MPRIP: variants seen among roughly 807,000 people sequenced by gnomAD.
MPRIP encodes myosin phosphatase Rho-interacting protein.
A neutral mutation model predicts 234.9 loss-of-function variants in MPRIP; 59 were observed. The observed-to-expected ratio is 0.25, with a 90% CI of 0.20 to 0.31. The LOEUF is 0.31. Among genes scored for constraint, MPRIP ranks in the 10% least tolerant of loss-of-function variants. The probability of loss-of-function intolerance (pLI) is 1.00; values close to 1 mark genes in which losing one functional copy is unlikely to be tolerated. For synonymous variants in MPRIP, 1,144 were observed against 1,263.9 expected (o/e 0.91, Z 2.01); for missense variants, 2,436 against 3,071.0 (o/e 0.79, Z 4.89).
chr17:17,104,526 G>A (rs1411073455), intron 3 of MPRIP, among the ~76,000 whole-genome samples: 2 of 152,120 alleles, frequency 1.3e-5, no homozygotes, highest in Middle Eastern at 3.2e-3. Context: ...ACCAGTCCAC[G>A]GCTGTGTTCA....
chr17:17,060,380 T>G (rs1175577148), intron 1 of MPRIP, among the ~76,000 whole-genome samples: 1 of 152,226 alleles, frequency 6.6e-6, no homozygotes, highest in Non-Finnish European at 1.5e-5. Flanking sequence ...GCCCTTCACC[T>G]GTGTCACCCT....
rs201729698 is a variant in MPRIP, at chr17:17,168,953, C to T, written c.6324+1038C>T. On this transcript the variant is annotated intron_variant, in intron 16 of 23. Transcript: ENST00000651222. ...AGCAGGACACCTGTTTTTCCCAGCC[C>T]GTTACTCCTGTAGCTCTGAATGGAA... The T allele has an allele frequency of 3.9e-3, 1,760 of 456,940 alleles. 28 individuals carry two copies. Among genetic ancestry groups the T allele is most frequent in the South Asian group, 0.016 (1,058 of 64,566 alleles). The allele number at this position is 456,940 out of a possible 1,614,324, so 28.3% of individuals were successfully genotyped here.
chr17:17,183,701 C>T (rs2046418961), intron 23 of MPRIP, among the ~76,000 whole-genome samples: 1 of 152,238 alleles, frequency 6.6e-6, no homozygotes, highest in African/African-American at 2.4e-5. Flanking sequence ...GAGCCTCAAG[C>T]TGACCAGCCC....
intron 13 of MPRIP, among the ~76,000 whole-genome samples, chr17:17,158,005 G>A (rs897625968): frequency 6.6e-6 from 1 of 152,156 alleles, no homozygotes; most frequent in Non-Finnish European, 1.5e-5. Flanking sequence ...GCCTAATGTA[G>A]TTCTTGGCCC....
chr17:17,114,682 T>C (rs1372697635), intron 3 of MPRIP, among the ~76,000 whole-genome samples: 1 of 146,584 alleles, frequency 6.8e-6, no homozygotes, highest in Non-Finnish European at 1.5e-5. Context: ...TTCCCATGCC[T>C]CTCCTACCTT....
intron 4 of MPRIP, 126 bp from the exon 5 acceptor site, chr17:17,131,491 C>T (rs1221872805): frequency 1.4e-6 from 1 of 735,504 alleles, no homozygotes; most frequent in African/African-American, 1.7e-5. Flanking sequence ...CTTCTGGCCC[C>T]AGCGTAGCAG....
chr17:17,176,774 A>C (rs1249359555), intron 21 of MPRIP, among the ~76,000 whole-genome samples: 2 of 152,238 alleles, frequency 1.3e-5, no homozygotes, highest in African/African-American at 2.4e-5. Context: ...GGAATGTTCC[A>C]GAGAAAAGGC....
At chr17:17,144,710 G>A (rs971961690) in intron 9 of MPRIP, among the ~76,000 whole-genome samples, 1 of 152,224 alleles carries the variant, frequency 6.6e-6, no homozygotes, top group Admixed American at 6.5e-5. Flanking sequence ...ACAAAAATTA[G>A]CTGGGTGTGG....
At chr17:17,080,595 G>C (rs1201767038) in intron 3 of MPRIP, among the ~76,000 whole-genome samples, 1 of 152,218 alleles carries the variant, frequency 6.6e-6, no homozygotes, top group Non-Finnish European at 1.5e-5. Flanking sequence ...CCTGGGGCAG[G>C]AATGCTGCTG....
chr17:17,166,979 A>G lies in MPRIP; in HGVS notation c.5388A>G (p.Ile1796Met). The part of the protein sequence containing the change: ...LKEKASLLEE[I>M]AAALPSLPPV... Reference sequence around the variant, plus strand: ...AGAAGGCCAGCCTCTTAGAGGAGATAGCGGCTGCCTTACCATCTCTGCCAC... The same window carrying G: ...AGAAGGCCAGCCTCTTAGAGGAGATGGCGGCTGCCTTACCATCTCTGCCAC... The change falls in exon 16 of 24, where the codon ATA (isoleucine) becomes ATG (methionine). Residue 1796 changes from isoleucine (I) to methionine (M), a missense_variant. Ile to Met is a conservative substitution (Grantham distance 10, BLOSUM62 1). Around this residue, in one of 4 missense-constraint regions of MPRIP, gnomAD observed 1,998 missense variants for 2,520.3 expected, o/e 0.79. Transcript: ENST00000651222. This position sits in a 1 kb window ranked among gnomAD's most constrained non-coding sequence, Gnocchi z 4.4. The G allele has an allele frequency of 7.7e-7, 1 of 1,304,216 alleles. No individual in the cohort carries two copies. The highest frequency in any genetic ancestry group is 1.2e-5 in the South Asian group (1 of 81,034). 80.8% of individuals were successfully genotyped at this position (1,304,216 alleles called of 1,614,324 possible).
At chr17:17,087,590 G>A (rs921660072) in intron 3 of MPRIP, among the ~76,000 whole-genome samples, 15 of 152,198 alleles carry the variant, frequency 9.9e-5, no homozygotes, top group Admixed American at 4.6e-4. Context: ...GGCCAGACGC[G>A]AGTCCTCCCT....
intron 1 of MPRIP, among the ~76,000 whole-genome samples, chr17:17,050,502 C>G (rs962427631): frequency 6.6e-6 from 1 of 152,134 alleles, no homozygotes; most frequent in Admixed American, 6.5e-5. Flanking sequence ...GGCCGCTGCC[C>G]GCAGTCCTGG....
rs1213159495 is a variant in MPRIP, at chr17:17,187,739, G to A, written c.*2845G>A. 2 of 152,280 alleles carry A rather than the reference G, an allele frequency of 1.3e-5. No individual in the cohort carries two copies. Among genetic ancestry groups the A allele is most frequent in the African/African-American group, 4.8e-5 (2 of 41,454 alleles). The allele number at this position is 152,280 out of a possible 1,614,324, so 9.4% of individuals were successfully genotyped here. On this transcript the variant is annotated 3_prime_UTR_variant, in exon 24 of 24. Coordinates refer to ENST00000651222, the MANE Select transcript of MPRIP (RefSeq NM_001364716.4). The stretch of plus-strand genomic sequence containing the variant: ...GAAGGGATTTAACCCCTGAATTCCA[G>A]AGGGAAGAAAGAAGAACAGTGAAGA...
intron 18 of MPRIP, among the ~76,000 whole-genome samples, chr17:17,173,159 C>T (rs545161666): frequency 1.3e-5 from 2 of 152,394 alleles, no homozygotes; most frequent in Non-Finnish European, 2.9e-5. Context: ...CGGGCTTGGT[C>T]GTACAGGGCA....
intron 22 of MPRIP, among the ~76,000 whole-genome samples, chr17:17,177,638 A>G (rs576242153): frequency 1.3e-5 from 2 of 152,226 alleles, no homozygotes; most frequent in African/African-American, 4.8e-5. Flanking sequence ...GGGAGAACCC[A>G]TAGTATCAGC....
intron 3 of MPRIP, among the ~76,000 whole-genome samples, chr17:17,113,923 C>T (rs1364019579): frequency 3.8e-5 from 5 of 131,626 alleles, no homozygotes; most frequent in Non-Finnish European, 7.7e-5. Flanking sequence ...GACAGGGTCT[C>T]ACTCTGTTGC....
chr17:17,095,829 G>A (rs2089825608), intron 3 of MPRIP, among the ~76,000 whole-genome samples: 1 of 152,182 alleles, frequency 6.6e-6, no homozygotes. Flanking sequence ...GCTTTCTGGT[G>A]TCTGCAGCAG....
At chr17:17,159,124 C>T in intron 14 of MPRIP, 122 bp downstream of exon 14, 1 of 1,018,380 alleles carries the variant, frequency 9.8e-7, no homozygotes, top group Non-Finnish European at 1.4e-6. Context: ...CTTGCAGACC[C>T]CTAGGGGAGA....
chr17:17,142,564 G>A (rs1181176944), intron 7 of MPRIP, 63 bp from the exon 8 acceptor site: 25 of 1,580,854 alleles, frequency 1.6e-5, no homozygotes, highest in African/African-American at 2.7e-5. Context: ...GGGAGGAGTC[G>A]GCTCACTGCC....
Sources: gnomAD v4.1 joint callset for allele counts (sites outside exome capture counted in the v4.1 genomes callset) on GRCh38, gnomAD v4.1.1 for gene constraint, gnomAD v4.1.1 regional missense constraint, Gnocchi (gnomAD v3.1) non-coding constraint, MANE v1.5 for transcripts, NCBI Gene and HGNC (gene_info 2026-07-23, HGNC 2026-07-21) for gene names.